SIK3: variants seen among roughly 807,000 people sequenced by gnomAD.
SIK3 encodes the protein serine/threonine-protein kinase SIK3.
SIK3 carries 28 observed loss-of-function variants against 144.2 expected under a neutral mutation model. The ratio of observed to expected loss-of-function variants is 0.19; its 90% CI spans 0.14 to 0.27. The LOEUF is 0.27. Ranked by LOEUF, SIK3 falls within the 10% of genes least tolerant of loss-of-function variation. The probability of loss-of-function intolerance (pLI) is 1.00; values close to 1 mark genes in which losing one functional copy is unlikely to be tolerated. For synonymous variants in SIK3, 686 were observed against 676.3 expected, an observed-to-expected ratio of 1.01 and a Z score of -0.22; for missense variants, 1,319 against 1,776.0, an observed-to-expected ratio of 0.74 and a Z score of 4.62.
intron 1 of SIK3, among the ~76,000 whole-genome samples, chr11:116,974,324 C>T (rs1949872851): frequency 6.6e-6 from 1 of 152,190 alleles, no homozygotes; most frequent in African/African-American, 2.4e-5. Context: ...AACCAGATCG[C>T]TTAACAAACA....
intron 1 of SIK3, among the ~76,000 whole-genome samples, chr11:116,995,557 C>T (rs984149138): frequency 1.3e-5 from 2 of 152,110 alleles, no homozygotes; most frequent in African/African-American, 4.8e-5. Flanking sequence ...AGCCGCCACA[C>T]CCGGCTCACC....
chr11:116,891,151 T>A (rs888016860), intron 6 of SIK3, among the ~76,000 whole-genome samples: 5 of 151,990 alleles, frequency 3.3e-5, no homozygotes, highest in Admixed American at 6.6e-5. Context: ...TATAAAAAAA[T>A]GTTTAAAAAT....
chr11:116,918,309 TA>T (rs1330244941), intron 4 of SIK3, among the ~76,000 whole-genome samples: 3 of 152,138 alleles, frequency 2.0e-5, no homozygotes, highest in Non-Finnish European at 4.4e-5. Flanking sequence ...TCCACCCTCT[TA>T]CACTCCGCTC....
intron 4 of SIK3, among the ~76,000 whole-genome samples, chr11:116,911,791 G>A (rs1270644973): frequency 1.3e-5 from 2 of 152,258 alleles, no homozygotes; most frequent in East Asian, 3.9e-4. Context: ...AAAACACTGA[G>A]CAGTTAGTTT....
intron 1 of SIK3, among the ~76,000 whole-genome samples, chr11:117,007,775 A>T (rs566662678): frequency 6.6e-6 from 1 of 152,160 alleles, no homozygotes; most frequent in Non-Finnish European, 1.5e-5. Flanking sequence ...AAGTTGTTCA[A>T]TCTTCCTCAT....
rs772987747 is a variant in SIK3, at chr11:116,888,144, C to T, written c.865+8109G>A. ...AGCAGCTACATGGTAGAGGCTTTGC[C>T]CTCTGGTCTTCCAAGTGATCATTTA... On this transcript the variant is annotated intron_variant, in intron 6 of 24. Transcript: ENST00000445177. 6.0e-4 allele frequency among the ~76,000 whole-genome samples: 91 copies of T among 152,300 alleles called. 1 individual carries two copies. The highest frequency in any genetic ancestry group is 3.4e-3 in the Middle Eastern group (1 of 294).
chr11:117,073,236 C>T (rs1531706), intron 1 of SIK3, among the ~76,000 whole-genome samples: 3 of 151,970 alleles, frequency 2.0e-5, no homozygotes, highest in Non-Finnish European at 4.4e-5. Context: ...CATGAGTTTG[C>T]GAGCTCTCAA....
chr11:116,885,463 G>A (rs1051963703), intron 6 of SIK3, among the ~76,000 whole-genome samples: 4 of 152,166 alleles, frequency 2.6e-5, no homozygotes, highest in African/African-American at 9.7e-5. Flanking sequence ...GGCCTAAAGG[G>A]TAGGGATGCC....
chr11:116,865,214 A>G (rs945126374), intron 15 of SIK3: 2 of 151,460 alleles, frequency 1.3e-5, no homozygotes, highest in Admixed American at 6.6e-5. Flanking sequence ...TATGCTTTCA[A>G]TGTTTTCTGA....
At chr11:116,874,510 G>A (rs1310483937) in intron 11 of SIK3, among the ~76,000 whole-genome samples, 2 of 152,206 alleles carry the variant, frequency 1.3e-5, no homozygotes, top group African/African-American at 4.8e-5. Flanking sequence ...TTGCTACAAT[G>A]ATAGGTTTTA....
intron 1 of SIK3, among the ~76,000 whole-genome samples, chr11:117,056,552 G>GAT (rs1230786443): frequency 3.6e-4 from 38 of 105,216 alleles, no homozygotes; most frequent in Admixed American, 1.4e-3. Context: ...TATAGATATA[G>GAT]ATATAGATAT....
intron 3 of SIK3, among the ~76,000 whole-genome samples, chr11:116,930,717 C>T (rs1483943140): frequency 6.6e-6 from 1 of 152,150 alleles, no homozygotes; most frequent in Non-Finnish European, 1.5e-5. Flanking sequence ...TACCCATATC[C>T]TCATCCCAAT....
intron 1 of SIK3, among the ~76,000 whole-genome samples, chr11:116,996,599 C>T (rs1040511171): frequency 1.3e-5 from 2 of 151,918 alleles, no homozygotes; most frequent in African/African-American, 4.8e-5. Context: ...GCGGGTGGAT[C>T]ACCTAAGGCC....
chr11:116,861,785 C>T, intron 18 of SIK3, 56 bp downstream of exon 18: 1 of 1,226,108 alleles, frequency 8.2e-7, no homozygotes, highest in Non-Finnish European at 1.2e-6. Flanking sequence ...TGAGTCAAGC[C>T]AAGGGTACCA....
intron 4 of SIK3, among the ~76,000 whole-genome samples, chr11:116,914,883 G>A (rs11604167): frequency 0.011 from 1,679 of 152,028 alleles, 23 homozygotes; most frequent in East Asian, 0.035. Context: ...AAAACCTCCC[G>A]GGAAAGAAAT....
At chr11:116,956,381 C>A (rs191704634) in intron 2 of SIK3, among the ~76,000 whole-genome samples, 1 of 151,214 alleles carries the variant, frequency 6.6e-6, no homozygotes, top group Admixed American at 6.6e-5. Flanking sequence ...TTGGAGAGAT[C>A]TGGTCACTTG....
chr11:116,931,721 AG>A, intron 3 of SIK3, among the ~76,000 whole-genome samples: 1 of 152,160 alleles, frequency 6.6e-6, no homozygotes, highest in East Asian at 1.9e-4. Flanking sequence ...TTTGCCACTC[AG>A]TTCTATCATT....
intron 4 of SIK3, among the ~76,000 whole-genome samples, chr11:116,921,006 C>T (rs991773192): frequency 1.3e-5 from 2 of 152,180 alleles, no homozygotes; most frequent in Non-Finnish European, 2.9e-5. Context: ...ATACTATCAT[C>T]CAGCGATGCC....
At chr11:116,933,963 A>G (rs1282357114) in intron 3 of SIK3, among the ~76,000 whole-genome samples, 1 of 152,150 alleles carries the variant, frequency 6.6e-6, no homozygotes, top group Non-Finnish European at 1.5e-5. Context: ...TGTTCTTTCT[A>G]TTCTTTCTAC....
Sources: allele counts gnomAD v4.1 joint callset (sites outside exome capture counted in the v4.1 genomes callset), GRCh38; gene constraint gnomAD v4.1.1; transcripts MANE v1.5; gene names NCBI Gene and HGNC (gene_info 2026-07-23, HGNC 2026-07-21).